The following PRKCH variants were observed in gnomAD, a reference collection of about 807,000 sequenced individuals.
The protein encoded by PRKCH is protein kinase C eta.
A neutral mutation model predicts 82.5 loss-of-function variants in PRKCH; 28 were observed. The observed-to-expected ratio is 0.34, with a 90% CI of 0.25 to 0.47. PRKCH has a LOEUF of 0.47. PRKCH is among the 20% of genes least tolerant of loss of function. PRKCH has a pLI of 1.00. For synonymous variants in PRKCH, 322 were observed against 327.4 expected (o/e 0.98, Z 0.18); for missense variants, 705 against 881.8 (o/e 0.80, Z 2.54).
chr14:61,354,176 T>TA (rs1403450060), intron 1 of PRKCH, among the ~76,000 whole-genome samples: 38 of 152,210 alleles, frequency 2.5e-4, no homozygotes, highest in Admixed American at 2.5e-3. Flanking sequence ...ATATATGGAA[T>TA]ATAGATGAGA....
At chr14:61,325,215 C>G (rs112870905) in intron 1 of PRKCH, among the ~76,000 whole-genome samples, 196 of 152,230 alleles carry the variant, frequency 1.3e-3, no homozygotes, top group African/African-American at 4.4e-3. Flanking sequence ...GATTTCAAGG[C>G]TAACTGTAAC....
chr14:61,449,890 CTCTCTCTCTCTG>C (rs767933534), intron 5 of PRKCH, among the ~76,000 whole-genome samples: 5,549 of 32,960 alleles, frequency 0.17, 85 homozygotes, highest in South Asian at 0.37. Context: ...CTCTCTCTCT[CTCTCTCTCTCTG>C]TGTGTGTGTG....
chr14:61,333,577 T>TA (rs746054772), intron 1 of PRKCH, among the ~76,000 whole-genome samples: 9 of 152,144 alleles, frequency 5.9e-5, no homozygotes, highest in Non-Finnish European at 8.8e-5. Flanking sequence ...TGTTCTCACT[T>TA]ATGGCTTCTG....
intron 1 of PRKCH, chr14:61,281,089 T>A: frequency 6.6e-7 from 1 of 1,507,820 alleles, no homozygotes; most frequent in Non-Finnish European, 8.8e-7. Context: ...GAGGCGCTGC[T>A]GAGTGAAGGC....
rs2140085945 is a variant in PRKCH at position 61,271,046 on chromosome 14, C to T, written c.-19+83378C>T. ...TTAGACTCCCTGGCAACCTTTTCAT[C>T]AGCGCAGAGTAAATTCTCCAGACTG... On this transcript the variant is annotated intron_variant, in intron 1 of 3. Transcript: ENST00000555185. 2.0e-5 allele frequency among the ~76,000 whole-genome samples: 3 copies of T among 152,284 alleles called. No individual in the cohort carries two copies. The South Asian group carries it at 6.2e-4, about 32-fold the overall frequency.
chr14:61,302,055 G>T (rs1232526502), intron 1 of PRKCH, among the ~76,000 whole-genome samples: 1 of 151,950 alleles, frequency 6.6e-6, no homozygotes, highest in Non-Finnish European at 1.5e-5. Context: ...ACAGAGACAG[G>T]GCTATTCAGA....
chr14:61,316,680 T>A (rs1202600824), upstream of PRKCH, among the ~76,000 whole-genome samples: 1 of 152,220 alleles, frequency 6.6e-6, no homozygotes, highest in East Asian at 1.9e-4. Context: ...AGACAATTCC[T>A]TCTTACGGAG....
intron 1 of PRKCH, among the ~76,000 whole-genome samples, chr14:61,213,551 G>T (rs2044597459): frequency 6.6e-6 from 1 of 152,214 alleles, no homozygotes; most frequent in Admixed American, 6.5e-5. Context: ...ATCAAAAGCT[G>T]TTATGGTGTC....
At chr14:61,501,083 C>G (rs1886884537) in intron 10 of PRKCH, among the ~76,000 whole-genome samples, 1 of 152,160 alleles carries the variant, frequency 6.6e-6, no homozygotes, top group Non-Finnish European at 1.5e-5. Context: ...CTTTAATTCT[C>G]TAAGCCTCCG....
chr14:61,439,012 A>G (rs1239475134), intron 2 of PRKCH, among the ~76,000 whole-genome samples: 2 of 152,200 alleles, frequency 1.3e-5, no homozygotes, highest in Non-Finnish European at 2.9e-5. Flanking sequence ...ACACAGAGCC[A>G]GCTTCCTATT....
At chr14:61,498,943 G>A (rs547224980) in intron 10 of PRKCH, among the ~76,000 whole-genome samples, 3 of 152,264 alleles carry the variant, frequency 2.0e-5, no homozygotes, top group South Asian at 2.1e-4. Flanking sequence ...TGGTTTGATA[G>A]TGCCAAATCT....
chr14:61,421,032 T>C (rs1486597704), intron 2 of PRKCH, among the ~76,000 whole-genome samples: 1 of 151,754 alleles, frequency 6.6e-6, no homozygotes, highest in Non-Finnish European at 1.5e-5. Context: ...ACACAGACCA[T>C]TGAACTGAAA....
At chr14:61,210,790 CT>C (rs1446800929) in intron 1 of PRKCH, among the ~76,000 whole-genome samples, 3 of 138,986 alleles carry the variant, frequency 2.2e-5, no homozygotes, top group African/African-American at 8.7e-5. Flanking sequence ...CTCTCTCTCT[CT>C]GTGTGTGTGT....
chr14:61,196,727 C>T (rs1363010952), intron 1 of PRKCH, among the ~76,000 whole-genome samples: 1 of 152,126 alleles, frequency 6.6e-6, no homozygotes, highest in Non-Finnish European at 1.5e-5. Flanking sequence ...CACAGATAAA[C>T]TATGTTATAG....
chr14:61,404,953 A>G (rs978734772), intron 2 of PRKCH, among the ~76,000 whole-genome samples: 1 of 73,656 alleles, frequency 1.4e-5, no homozygotes. Flanking sequence ...TTCCTCTTCA[A>G]GAATACCCTT....
Position 61,549,957 on chromosome 14 carries a change from A to G in PRKCH, c.*126A>G. On this transcript the variant is annotated 3_prime_UTR_variant, in exon 14 of 14. Coordinates refer to ENST00000332981, the MANE Select transcript of PRKCH (RefSeq NM_006255.5). ...GAACCTTACCTTCAAGGAGCAAGTG[A>G]AGAACTCTGTGAAGGATGGAACTTT... The G allele has an allele frequency of 9.5e-7, 1 of 1,050,152 alleles. No homozygotes were observed. The highest frequency in any genetic ancestry group is 1.4e-6 in the Non-Finnish European group (1 of 731,786). 65.1% of individuals were successfully genotyped at this position (1,050,152 alleles called of 1,614,324 possible).
chr14:61,207,106 C>CAAAAAAAAAAAAAAAAAAA (rs71114196), intron 1 of PRKCH, among the ~76,000 whole-genome samples: 1 of 49,158 alleles, frequency 2.0e-5, no homozygotes, highest in East Asian at 8.6e-4. Flanking sequence ...AACTCCATCT[C>CAAAAAAAAAAAAAAAAAAA]AAAAAAAAAA....
chr14:61,416,873 A>C (rs1195977808), intron 2 of PRKCH, among the ~76,000 whole-genome samples: 1 of 152,170 alleles, frequency 6.6e-6, no homozygotes, highest in African/African-American at 2.4e-5. Flanking sequence ...AGTCCAGAGT[A>C]GTGGAAGGGC....
chr14:61,453,024 C>T, intron 6 of PRKCH: 1 of 614,198 alleles, frequency 1.6e-6, no homozygotes, highest in Non-Finnish European at 2.8e-6. Context: ...AGTATGCTTG[C>T]CTTTCTGCTT....
Sources: allele counts gnomAD v4.1 joint callset (sites outside exome capture counted in the v4.1 genomes callset), GRCh38; gene constraint gnomAD v4.1.1; transcripts MANE v1.5; gene names NCBI Gene and HGNC (gene_info 2026-07-23, HGNC 2026-07-21).